PIK3CB: variants seen among roughly 807,000 people sequenced by gnomAD.
PIK3CB encodes the protein phosphatidylinositol-4,5-bisphosphate 3-kinase catalytic subunit beta, also known as phosphatidylinositol 4,5-bisphosphate 3-kinase catalytic subunit beta isoform.
In PIK3CB, 39 loss-of-function variants were observed where a neutral mutation model predicts 136.8. The observed-to-expected ratio is 0.29, with a 90% CI of 0.22 to 0.37. The LOEUF (loss-of-function observed/expected upper bound fraction) is 0.37, where lower values mean the gene tolerates loss of function less well. Ranked by LOEUF, PIK3CB falls within the 10% of genes least tolerant of loss-of-function variation. The pLI is 1.00. For synonymous variants in PIK3CB, 428 were observed against 436.6 expected (o/e 0.98, Z 0.25); for missense variants, 868 against 1,275.4 (o/e 0.68, Z 4.87).
chr3:138,766,640 A>G (rs2045736068), intron 2 of PIK3CB, among the ~76,000 whole-genome samples: 1 of 152,236 alleles, frequency 6.6e-6, no homozygotes, highest in Non-Finnish European at 1.5e-5. Context: ...ACTTACAAAG[A>G]AACATCACAC....
At chr3:138,691,462 G>A (rs528045420) in intron 14 of PIK3CB, among the ~76,000 whole-genome samples, 1 of 152,206 alleles carries the variant, frequency 6.6e-6, no homozygotes, top group South Asian at 2.1e-4. Context: ...ATTCCCACAT[G>A]TCAAAGGAGC....
intron 12 of PIK3CB, among the ~76,000 whole-genome samples, chr3:138,700,714 GAT>G (rs2044233200): frequency 2.7e-5 from 4 of 147,522 alleles, no homozygotes; most frequent in Non-Finnish European, 4.4e-5. Context: ...TAGATAGATA[GAT>G]AGATAGATAG....
intron 12 of PIK3CB, among the ~76,000 whole-genome samples, chr3:138,701,291 T>C (rs113044319): frequency 4.0e-5 from 6 of 150,398 alleles, no homozygotes; most frequent in Admixed American, 4.0e-4. Context: ...TAAATATACC[T>C]GACAATGAAA....
At position 138,789,699 on chromosome 3, in the gene PIK3CB, C is replaced by CTT. The variant is rs71626079; in HGVS notation, c.-17+6762_-17+6763dup. 1.2e-3 allele frequency among the ~76,000 whole-genome samples: 169 copies of CTT among 145,468 alleles called. 1 individual carries two copies. Among genetic ancestry groups the CTT allele is most frequent in the South Asian group, 4.3e-3 (20 of 4,632 alleles). ...TACATACAATGGAATATTATTCAGCCTTTTTTTTTTTTGGAGACGGAGTCT... is the reference window on the plus strand; with the variant it reads ...TACATACAATGGAATATTATTCAGCCTTTTTTTTTTTTTTGGAGACGGAGTCT... On this transcript the variant is annotated intron_variant, in intron 2 of 23. Coordinates refer to ENST00000674063, the MANE Select transcript of PIK3CB (RefSeq NM_006219.3).
chr3:138,690,941 T>C (rs2043994873), intron 15 of PIK3CB, 59 bp downstream of exon 15: 4 of 1,303,724 alleles, frequency 3.1e-6, no homozygotes, highest in South Asian at 2.8e-5. Flanking sequence ...AAATATATTA[T>C]GCTTGTTTAT....
intron 1 of PIK3CB, among the ~76,000 whole-genome samples, chr3:138,811,497 C>T (rs1439272661): frequency 6.7e-6 from 1 of 150,228 alleles, no homozygotes; most frequent in Non-Finnish European, 1.5e-5. Flanking sequence ...GCAATCTCGG[C>T]TCACTGCAAC....
At chr3:138,828,184 CTT>C (rs1176715980) in intron 1 of PIK3CB, among the ~76,000 whole-genome samples, 24 of 131,074 alleles carry the variant, frequency 1.8e-4, no homozygotes, top group African/African-American at 3.7e-4. Flanking sequence ...ATTAAATTTC[CTT>C]TTTTTTTTTT....
chr3:138,708,593 C>CTTT (rs11308775), intron 10 of PIK3CB, among the ~76,000 whole-genome samples: 1 of 141,674 alleles, frequency 7.1e-6, no homozygotes, highest in Non-Finnish European at 1.5e-5. Context: ...GGAGGCAACT[C>CTTT]TTTTTTTTTT....
chr3:138,827,960 C>G (rs573872919), intron 1 of PIK3CB, among the ~76,000 whole-genome samples: 11 of 151,778 alleles, frequency 7.2e-5, no homozygotes, highest in Non-Finnish European at 1.6e-4. Flanking sequence ...TGCACTCCAA[C>G]CTGGGTGACA....
intron 1 of PIK3CB, among the ~76,000 whole-genome samples, chr3:138,809,621 A>AAG (rs1553743116): frequency 2.7e-5 from 4 of 149,422 alleles, no homozygotes; most frequent in Non-Finnish European, 4.5e-5. Flanking sequence ...AAAAAAAAAA[A>AAG]AAAAGAAAAT....
At chr3:138,675,563 AG>A (rs1160104230) in intron 19 of PIK3CB, among the ~76,000 whole-genome samples, 1 of 152,210 alleles carries the variant, frequency 6.6e-6, no homozygotes, top group East Asian at 1.9e-4. Context: ...GGAACAAGAG[AG>A]ATGTGACTCA....
At chr3:138,702,613 T>C (rs2044279400) in intron 12 of PIK3CB, among the ~76,000 whole-genome samples, 1 of 152,222 alleles carries the variant, frequency 6.6e-6, no homozygotes, top group Non-Finnish European at 1.5e-5. Context: ...TGTGTAACTA[T>C]ATCTCCTAAG....
intron 2 of PIK3CB, chr3:138,778,231 C>T: frequency 2.2e-6 from 1 of 448,986 alleles, no homozygotes. Context: ...GGGCATGAAC[C>T]ATGAAAAGTA....
Position 138,685,567 on chromosome 3 carries a change from ACT to A in PIK3CB, c.2137-766_2137-765del, listed in dbSNP as rs1462836979. On this transcript the variant is annotated intron_variant, in intron 16 of 23. Transcript: ENST00000674063. ...TTAGAGAAAAACCTATGTAGAAGTA[ACT>A]CTGAGGTTCTTGCTATTCAACCTTA... Among the ~76,000 whole-genome samples the A allele has an allele frequency of 4.6e-5, 7 of 152,138 alleles. No individual in the cohort carries two copies. The East Asian group carries it at 1.3e-3, about 29-fold the overall frequency.
At chr3:138,753,497 G>A (rs2045510471) in intron 4 of PIK3CB, among the ~76,000 whole-genome samples, 2 of 151,856 alleles carry the variant, frequency 1.3e-5, no homozygotes, top group Admixed American at 1.3e-4. Context: ...CTCCAGTCTG[G>A]GCAACAGAGT....
chr3:138,777,939 C>T lies in PIK3CB; in HGVS notation c.-17+18524G>A, dbSNP rs1004049271. The T allele has an allele frequency of 3.8e-5, 11 of 290,480 alleles. No individual in the cohort carries two copies. In the Admixed American group the frequency reaches 4.0e-4, roughly 11 times the overall value. The allele number at this position is 290,480 out of a possible 1,614,324, so 18.0% of individuals were successfully genotyped here. A position where few individuals can be genotyped will look rare whatever the true frequency, so the allele number is the denominator to read the frequency against. On this transcript the variant is annotated intron_variant, in intron 2 of 23. Coordinates refer to ENST00000674063, the MANE Select transcript of PIK3CB (RefSeq NM_006219.3). ...TGTCTCATCAAGGACCCCCTCATTGCCCTCAACTACACGGTCTATATGTTC... is the reference window on the plus strand; with the variant it reads ...TGTCTCATCAAGGACCCCCTCATTGTCCTCAACTACACGGTCTATATGTTC...
intron 1 of PIK3CB, among the ~76,000 whole-genome samples, chr3:138,811,940 A>C (rs1933084221): frequency 6.6e-6 from 1 of 152,076 alleles, no homozygotes. Flanking sequence ...ATTTTAAAAA[A>C]TTAGCTGGGT....
intron 2 of PIK3CB, among the ~76,000 whole-genome samples, chr3:138,779,696 A>ATTT (rs3071142): frequency 5.0e-4 from 72 of 145,206 alleles, no homozygotes; most frequent in South Asian, 1.3e-3. Context: ...ACCTGGCCAA[A>ATTT]TTTTTTTTTT....
At position 138,755,927 on chromosome 3, in the gene PIK3CB, A is replaced by G. The variant is rs1187901141; in HGVS notation, c.224T>C (p.Ile75Thr). 3 of 1,612,686 alleles carry G rather than the reference A, an allele frequency of 1.9e-6. No homozygotes were observed. Among genetic ancestry groups the G allele is most frequent in the Non-Finnish European group, 2.5e-6 (3 of 1,178,906 alleles). Residue 75 changes from isoleucine (I) to threonine (T), a missense_variant, in exon 4 of 24, where the codon ATT (isoleucine) becomes ACT (threonine). Transcript: ENST00000674063. ...NYPMFNLLMD[I>T]DSYMFACVNQ... ...CACACATGCAAACATATAGGAGTCA[A>G]TATCCATAAGGAGGTTGAACATTGG...
Sources: gnomAD v4.1 joint callset for allele counts (sites outside exome capture counted in the v4.1 genomes callset) on GRCh38, gnomAD v4.1.1 for gene constraint, MANE v1.5 for transcripts, NCBI Gene and HGNC (gene_info 2026-07-23, HGNC 2026-07-21) for gene names.